SEC22A: variants seen among roughly 807,000 people sequenced by gnomAD.
SEC22A encodes the protein SEC22 homolog A, vesicle trafficking protein, also known as vesicle-trafficking protein SEC22a.
Under a neutral mutation model 35.3 loss-of-function variants are expected in SEC22A, and 22 were observed. That is an observed-to-expected ratio of 0.62 (90% CI 0.45 to 0.89). The LOEUF (loss-of-function observed/expected upper bound fraction) is 0.89, where lower values mean the gene tolerates loss of function less well. Ranked by LOEUF, SEC22A falls within the 40% of genes least tolerant of loss-of-function variation. The probability of loss-of-function intolerance (pLI) is 0.00; values close to 1 mark genes in which losing one functional copy is unlikely to be tolerated. For synonymous variants in SEC22A, 119 were observed against 129.5 expected, an observed-to-expected ratio of 0.92 and a Z score of 0.55; for missense variants, 354 against 362.5, an observed-to-expected ratio of 0.98 and a Z score of 0.19.
chr3:123,214,132 C>T (rs886863665), intron 2 of SEC22A, among the ~76,000 whole-genome samples: 4 of 152,144 alleles, frequency 2.6e-5, no homozygotes, highest in Non-Finnish European at 5.9e-5. Flanking sequence ...GAAGCGGAGG[C>T]TGCAGTGAGC....
Position 123,223,543 on chromosome 3 carries a change from G to A in SEC22A, c.183-16G>A, listed in dbSNP as rs571854686. On this transcript the variant is annotated splice_polypyrimidine_tract_variant and intron_variant, in intron 2 of 6. Coordinates refer to ENST00000492595, the MANE Select transcript of SEC22A (RefSeq NM_012430.5). ...TTTAATTTGAAATTTTAAAACCAAT[G>A]TTTTTTACACTGTAGTTTTATTAGC... is the stretch of plus-strand genomic sequence containing the variant. 4 of 1,607,368 alleles carry A rather than the reference G, an allele frequency of 2.5e-6. No individual in the cohort carries two copies. The African/African-American group carries it at 4.0e-5, about 16-fold the overall frequency.
chr3:123,217,588 C>T (rs1470815865), intron 2 of SEC22A, among the ~76,000 whole-genome samples: 1 of 152,034 alleles, frequency 6.6e-6, no homozygotes, highest in African/African-American at 2.4e-5. Flanking sequence ...CTTTTCTGCA[C>T]CCAGGAAAGC....
intron 6 of SEC22A, among the ~76,000 whole-genome samples, chr3:123,269,215 G>GTATATA (rs1553713614): frequency 8.0e-5 from 11 of 136,884 alleles, no homozygotes; most frequent in African/African-American, 2.5e-4. Flanking sequence ...GTGTGTGTGT[G>GTATATA]TATATATTAC....
At chr3:123,262,057 A>G (rs553761650) in intron 6 of SEC22A, among the ~76,000 whole-genome samples, 4 of 152,222 alleles carry the variant, frequency 2.6e-5, no homozygotes, top group Admixed American at 2.0e-4. Context: ...GCAGGGTGAT[A>G]ATAATGCTGT....
intron 2 of SEC22A, among the ~76,000 whole-genome samples, chr3:123,215,261 A>G (rs900593579): frequency 1.3e-5 from 2 of 152,152 alleles, no homozygotes; most frequent in Admixed American, 1.3e-4. Flanking sequence ...GTTATCAGGA[A>G]TCTTTCTCAT....
chr3:123,222,492 G>T (rs1396537129), intron 2 of SEC22A, among the ~76,000 whole-genome samples: 1 of 151,774 alleles, frequency 6.6e-6, no homozygotes, highest in African/African-American at 2.4e-5. Flanking sequence ...CACCATGCCC[G>T]GCCTCTTTAG....
At chr3:123,222,387 C>T (rs144795486) in intron 2 of SEC22A, among the ~76,000 whole-genome samples, 7,005 of 151,842 alleles carry the variant, frequency 0.046, 551 homozygotes, top group African/African-American at 0.16. Flanking sequence ...TTAGTAGAGA[C>T]GGGGTTTCAC....
In SEC22A at chr3:123,225,200, G is replaced by A; in HGVS notation, c.444G>A (p.Arg148=). ...LSDMQTEIKL[R]PPYQISMCEL... ...ACATGCAGACGGAAATCAAGCTGAG[G>A]CCTCCTTATCAAATTTCCATGTGCG... Residue 148 remains arginine, a synonymous_variant, in exon 4 of 7, where the codon AGG becomes AGA. Coordinates refer to ENST00000492595, the MANE Select transcript of SEC22A (RefSeq NM_012430.5). 1 of 1,613,222 alleles carries A rather than the reference G, an allele frequency of 6.2e-7. No homozygotes were observed. The highest frequency in any genetic ancestry group is 8.5e-7 in the Non-Finnish European group (1 of 1,179,292).
intron 4 of SEC22A, among the ~76,000 whole-genome samples, chr3:123,232,373 ACAC>A (rs2108059639): frequency 6.6e-6 from 1 of 152,356 alleles, no homozygotes; most frequent in African/African-American, 2.4e-5. Flanking sequence ...TCCTAGAAAA[ACAC>A]CAACTACTGG....
intron 2 of SEC22A, among the ~76,000 whole-genome samples, chr3:123,211,607 C>T (rs544819854): frequency 6.6e-6 from 1 of 152,072 alleles, no homozygotes; most frequent in Non-Finnish European, 1.5e-5. Flanking sequence ...TACAGGTGCA[C>T]ACCACCACAC....
chr3:123,258,704 A>G (rs1450906026), intron 5 of SEC22A, among the ~76,000 whole-genome samples: 1 of 150,174 alleles, frequency 6.7e-6, no homozygotes, highest in African/African-American at 2.5e-5. Flanking sequence ...TGTGGAAATT[A>G]TCATTGTATA....
At chr3:123,267,907 T>C (rs1036703989) in intron 6 of SEC22A, among the ~76,000 whole-genome samples, 1 of 152,246 alleles carries the variant, frequency 6.6e-6, no homozygotes, top group Non-Finnish European at 1.5e-5. Flanking sequence ...CTGGCCTCTG[T>C]GGTTTCTGAT....
intron 4 of SEC22A, among the ~76,000 whole-genome samples, chr3:123,228,402 TAA>T (rs754123559): frequency 0.017 from 1,492 of 90,098 alleles, 37 homozygotes; most frequent in African/African-American, 0.057. Context: ...CCGTCTCTAC[TAA>T]AAAAAAAAAA....
chr3:123,219,536 C>T (rs1263225180), intron 2 of SEC22A, among the ~76,000 whole-genome samples: 2 of 152,212 alleles, frequency 1.3e-5, no homozygotes, highest in Non-Finnish European at 2.9e-5. Context: ...TACTAAGCCT[C>T]TCTGAGTTTC....
intron 6 of SEC22A, among the ~76,000 whole-genome samples, chr3:123,264,494 ACT>A (rs71623617): frequency 0.28 from 41,740 of 151,314 alleles, 7,129 homozygotes; most frequent in Non-Finnish European, 0.4. Context: ...TATTTTAGCC[ACT>A]CTTTTAAGTG....
chr3:123,231,984 A>G (rs1415041842), intron 4 of SEC22A, among the ~76,000 whole-genome samples: 6 of 152,196 alleles, frequency 3.9e-5, no homozygotes, highest in Admixed American at 1.3e-4. Flanking sequence ...CATGCCTGCA[A>G]CCCCAACACT....
chr3:123,202,579 G>T (rs1936767866), intron 1 of SEC22A, among the ~76,000 whole-genome samples: 2 of 152,276 alleles, frequency 1.3e-5, no homozygotes, highest in South Asian at 2.1e-4. Flanking sequence ...GCAGAAGGGA[G>T]ACCTGAGCAA....
chr3:123,271,267 TC>T (rs1411950935), intron 6 of SEC22A, among the ~76,000 whole-genome samples: 1 of 152,222 alleles, frequency 6.6e-6, no homozygotes, highest in Admixed American at 6.5e-5. Flanking sequence ...CCATTGTACT[TC>T]CATTTAAAAT....
At chr3:123,233,642 A>C (rs568580258) in intron 4 of SEC22A, among the ~76,000 whole-genome samples, 309 of 138,648 alleles carry the variant, frequency 2.2e-3, no homozygotes, top group African/African-American at 7.9e-3. Flanking sequence ...TCATGGCAAA[A>C]AAACAAACAA....
Sources: allele counts gnomAD v4.1 joint callset (sites outside exome capture counted in the v4.1 genomes callset), GRCh38; gene constraint gnomAD v4.1.1; transcripts MANE v1.5; gene names NCBI Gene and HGNC (gene_info 2026-07-23, HGNC 2026-07-21).